IRF4: variants seen among roughly 807,000 people sequenced by gnomAD.
IRF4 encodes lymphocyte-specific interferon regulatory factor.
Under a neutral mutation model 55.5 loss-of-function variants are expected in IRF4, and 13 were observed. The ratio of observed to expected loss-of-function variants is 0.23; its 90% CI spans 0.15 to 0.37. The LOEUF (loss-of-function observed/expected upper bound fraction) is 0.37, where lower values mean the gene tolerates loss of function less well. Ranked by LOEUF, IRF4 falls within the 10% of genes least tolerant of loss-of-function variation. IRF4 has a pLI of 1.00. For missense variants in IRF4, 397 were observed against 593.8 expected, an observed-to-expected ratio of 0.67 and a Z score of 3.44; for synonymous variants, 249 against 240.7, an observed-to-expected ratio of 1.03 and a Z score of -0.32.
At position 411,043 on chromosome 6, in the gene IRF4, A is replaced by G. The variant is rs1761689179; in HGVS notation, c.*3445A>G. ...ACAGCTTTGAGGAACATGCATAAGAAATGTAGCTGAAGTAGAGGGGACGTG... is the reference window on the plus strand; with the variant it reads ...ACAGCTTTGAGGAACATGCATAAGAGATGTAGCTGAAGTAGAGGGGACGTG... On this transcript the variant is annotated 3_prime_UTR_variant, in exon 9 of 9. Coordinates refer to ENST00000380956, the MANE Select transcript of IRF4 (RefSeq NM_002460.4). 4.3e-6 allele frequency: 1 copy of G among 233,400 alleles called. No homozygotes were observed. Among genetic ancestry groups the G allele is most frequent in the Admixed American group, 5.6e-5 (1 of 17,766 alleles). 14.5% of individuals were successfully genotyped at this position (233,400 alleles called of 1,614,324 possible).
Position 398,832 on chromosome 6 carries a change from C to T in IRF4, c.642C>T (p.Cys214=), listed in dbSNP as rs1248811901. The T allele has an allele frequency of 1.2e-6, 2 of 1,612,262 alleles. No individual in the cohort carries two copies. The highest frequency in any genetic ancestry group is 1.7e-5 in the Admixed American group (1 of 59,990). The change falls in exon 6 of 9, where the codon TGC becomes TGT. Residue 214 remains cysteine (C), a synonymous_variant. Transcript: ENST00000380956. ...GATTTTTATTTGCAAATGCAGGTTG[C>T]CAGGTGACAGGAACCTTTTATGCTT... ...HWQGPACENG[C]QVTGTFYACA... is the part of the protein sequence containing the mutation.
intron 1 of IRF4, among the ~76,000 whole-genome samples, chr6:392,270 C>G (rs1561708799): frequency 6.6e-6 from 1 of 152,254 alleles, no homozygotes; most frequent in Non-Finnish European, 1.5e-5. Flanking sequence ...GCGGTGCTCA[C>G]CCGCTGGCGC....
At chr6:400,809 CACACA>C (rs1761377084) in intron 6 of IRF4, among the ~76,000 whole-genome samples, 1 of 152,070 alleles carries the variant, frequency 6.6e-6, no homozygotes. Context: ...CACACACACA[CACACA>C]CATTTGCTTT....
rs892631817 is a variant in IRF4 at position 391,777 on chromosome 6, C to A, written c.-88C>A. 3 of 456,120 alleles carry A rather than the reference C, an allele frequency of 6.6e-6. No homozygotes were observed. The Admixed American group carries it at 7.0e-5, about 11-fold the overall frequency. The allele number at this position is 456,120 out of a possible 1,614,324, so 28.3% of individuals were successfully genotyped here. A position where few individuals can be genotyped will look rare whatever the true frequency, so the allele number is the denominator to read the frequency against. On this transcript the variant is annotated 5_prime_UTR_variant, in exon 1 of 9. Transcript: ENST00000380956. ...AGTTTCACCGCTCGATCTTGGGACC[C>A]ACCGCTGCCCTCAGCTCCGAGTCCA... is the stretch of plus-strand genomic sequence containing the variant.
rs1394892636 is a variant in IRF4, at chr6:393,150, G to T, written c.-3G>T. On this transcript the variant is annotated 5_prime_UTR_variant, in exon 2 of 9. Transcript: ENST00000380956. This position sits in a 1 kb window ranked among gnomAD's most constrained non-coding sequence, Gnocchi z 5.4. ...GGGCGCGGGCGCGGACGGCACGCGG[G>T]GCATGAACCTGGAGGGCGGCGGCCG... is the stretch of plus-strand genomic sequence containing the variant. 4.5e-6 allele frequency: 7 copies of T among 1,549,058 alleles called. No homozygotes were observed. Among genetic ancestry groups the T allele is most frequent in the Non-Finnish European group, 6.1e-6 (7 of 1,146,118 alleles).
Position 405,005 on chromosome 6 carries a change from T to C in IRF4, c.1100-13T>C, listed in dbSNP as rs1761507749. ...GTTTCTGAACATGGTCTCTTTCTTG[T>C]GGGCTTCTACAGAGCTGCAAGCGTT... On this transcript the variant is annotated splice_polypyrimidine_tract_variant and intron_variant, in intron 7 of 8. Coordinates refer to ENST00000380956, the MANE Select transcript of IRF4 (RefSeq NM_002460.4). 2.6e-6 allele frequency: 4 copies of C among 1,555,540 alleles called. No homozygotes were observed. Among genetic ancestry groups the C allele is most frequent in the Non-Finnish European group, 3.5e-6 (4 of 1,126,838 alleles).
intron 1 of IRF4, among the ~76,000 whole-genome samples, chr6:392,090 T>G (rs1354126797): frequency 6.6e-6 from 1 of 152,064 alleles, no homozygotes; most frequent in East Asian, 1.9e-4. Context: ...CGGGATGAGC[T>G]AACCGGACTG....
At chr6:400,945 T>C in intron 6 of IRF4, among the ~76,000 whole-genome samples, 1 of 152,204 alleles carries the variant, frequency 6.6e-6, no homozygotes, top group East Asian at 1.9e-4. Context: ...GTTCATTTCC[T>C]CCAAAGTAAA....
Position 407,738 on chromosome 6 carries a change from A to T in IRF4, c.*140A>T. On this transcript the variant is annotated 3_prime_UTR_variant, in exon 9 of 9. Coordinates refer to ENST00000380956, the MANE Select transcript of IRF4 (RefSeq NM_002460.4). ...ACTGTGACCTCCGCCTCCTGGGTTC[A>T]AGAGACTCTCCTGCCTCAGCCTCCC... 1 of 753,808 alleles carries T rather than the reference A, an allele frequency of 1.3e-6. No individual in the cohort carries two copies. 46.7% of individuals were successfully genotyped at this position (753,808 alleles called of 1,614,324 possible).
In IRF4 at chr6:393,090, C is replaced by A; in HGVS notation, c.-55-8C>A. ...CTCGTGGCTGAAGGGCAGCTCTTCT[C>A]CCCGCAGTGCAGAGCAGAGCGGGCG... On this transcript the variant is annotated splice_region_variant and splice_polypyrimidine_tract_variant and intron_variant, in intron 1 of 8. Coordinates refer to ENST00000380956, the MANE Select transcript of IRF4 (RefSeq NM_002460.4). This position sits in a 1 kb window ranked among gnomAD's most constrained non-coding sequence, Gnocchi z 5.4. 7.0e-7 allele frequency: 1 copy of A among 1,437,556 alleles called. No individual in the cohort carries two copies. Among genetic ancestry groups the A allele is most frequent in the Non-Finnish European group, 9.4e-7 (1 of 1,059,924 alleles). 89.1% of individuals were successfully genotyped at this position (1,437,556 alleles called of 1,614,324 possible). A position where few individuals can be genotyped will look rare whatever the true frequency, so the allele number is the denominator to read the frequency against.
At chr6:404,836 G>T (rs1761502734) in intron 7 of IRF4, among the ~76,000 whole-genome samples, 182 bp from the exon 8 acceptor site, 1 of 152,228 alleles carries the variant, frequency 6.6e-6, no homozygotes, top group Non-Finnish European at 1.5e-5. Context: ...AGCACCCAAA[G>T]GAATGCATAC....
Position 398,883 on chromosome 6 carries a change from C to G in IRF4, c.693C>G (p.Pro231=). The G allele has an allele frequency of 1.2e-6, 2 of 1,613,610 alleles. No homozygotes were observed. The highest frequency in any genetic ancestry group is 1.1e-5 in the South Asian group (1 of 91,016). Residue 231 remains proline (P), a synonymous_variant, in exon 6 of 9, where the codon CCC becomes CCG. Transcript: ENST00000380956. ...GTGCCCCACCTGAGTCCCAGGCTCC[C>G]GGAGTCCCCACAGAGCCAAGCATAA... ...YACAPPESQA[P]GVPTEPSIRS...
intron 7 of IRF4, among the ~76,000 whole-genome samples, chr6:404,490 A>G (rs1026164215): frequency 7.2e-5 from 11 of 152,208 alleles, no homozygotes; most frequent in African/African-American, 2.7e-4. Context: ...GTGCTCAGTC[A>G]CCACGTTGAC....
rs1393310645 is a variant in IRF4, at chr6:409,741, C to T, written c.*2143C>T. 1 of 228,488 alleles carries T rather than the reference C, an allele frequency of 4.4e-6. No homozygotes were observed. Among genetic ancestry groups the T allele is most frequent in the Non-Finnish European group, 8.7e-6 (1 of 115,002 alleles). 14.2% of individuals were successfully genotyped at this position (228,488 alleles called of 1,614,324 possible). A position where few individuals can be genotyped will look rare whatever the true frequency, so the allele number is the denominator to read the frequency against. ...GAACTGCTGTTTCACGGGGCCCTTACCTGTGACCCTCTTTGCTGAAGAATA... is the reference window on the plus strand; with the variant it reads ...GAACTGCTGTTTCACGGGGCCCTTATCTGTGACCCTCTTTGCTGAAGAATA... On this transcript the variant is annotated 3_prime_UTR_variant, in exon 9 of 9. Coordinates refer to ENST00000380956, the MANE Select transcript of IRF4 (RefSeq NM_002460.4).
chr6:394,768 A>C (rs561546511), intron 2 of IRF4, 53 bp from the exon 3 acceptor site: 2 of 1,530,916 alleles, frequency 1.3e-6, no homozygotes, highest in East Asian at 2.3e-5. Context: ...AAAGAAAGCT[A>C]ATAAACCAGA....
Position 394,804 on chromosome 6 carries a change from T to C in IRF4, c.217-17T>C, listed in dbSNP as rs772059663. ...CATGTATTTTGACTTTTCGTTCTCT[T>C]CATTCTTTCCCACCAGGCTTGGGCA... On this transcript the variant is annotated splice_polypyrimidine_tract_variant and intron_variant, in intron 2 of 8. Transcript: ENST00000380956. The C allele has an allele frequency of 6.2e-7, 1 of 1,604,446 alleles. No homozygotes were observed. The highest frequency in any genetic ancestry group is 8.5e-7 in the Non-Finnish European group (1 of 1,176,480).
intron 8 of IRF4, among the ~76,000 whole-genome samples, chr6:405,763 G>GT (rs1761528444): frequency 6.6e-6 from 1 of 152,176 alleles, no homozygotes; most frequent in African/African-American, 2.4e-5. Flanking sequence ...CACTAAAAGG[G>GT]TAGGGTTAGG....
In IRF4 at chr6:408,261, C is replaced by T. The variant is rs895726959; in HGVS notation, c.*663C>T. The T allele has an allele frequency of 4.3e-6, 1 of 232,020 alleles. No homozygotes were observed. The highest frequency in any genetic ancestry group is 5.6e-5 in the Admixed American group (1 of 17,730). The allele number at this position is 232,020 out of a possible 1,614,324, so 14.4% of individuals were successfully genotyped here. On this transcript the variant is annotated 3_prime_UTR_variant, in exon 9 of 9. Coordinates refer to ENST00000380956, the MANE Select transcript of IRF4 (RefSeq NM_002460.4). ...AATGTATTAATGTATGTAGGAGCTGCAGTTCTTGTGGAAGACACTTGCTGA... is the reference window on the plus strand; with the variant it reads ...AATGTATTAATGTATGTAGGAGCTGTAGTTCTTGTGGAAGACACTTGCTGA...
At chr6:400,564 T>A (rs1446879194) in intron 6 of IRF4, among the ~76,000 whole-genome samples, 2 of 152,204 alleles carry the variant, frequency 1.3e-5, no homozygotes, top group Non-Finnish European at 2.9e-5. Context: ...TTCTTTCTTT[T>A]CACAAGAATT....
Sources: gnomAD v4.1 joint callset for allele counts (sites outside exome capture counted in the v4.1 genomes callset) on GRCh38, gnomAD v4.1.1 for gene constraint, Gnocchi (gnomAD v3.1) non-coding constraint, MANE v1.5 for transcripts, NCBI Gene and HGNC (gene_info 2026-07-23, HGNC 2026-07-21) for gene names.